The following PDSS2 variants were observed in gnomAD, a reference collection of about 807,000 sequenced individuals.
PDSS2 encodes the protein decaprenyl diphosphate synthase subunit 2.
A neutral mutation model predicts 44.5 loss-of-function variants in PDSS2; 31 were observed. That is an observed-to-expected ratio of 0.70 (90% CI 0.52 to 0.94). PDSS2 has a LOEUF of 0.94. Among genes scored for constraint, PDSS2 ranks in the 40% least tolerant of loss-of-function variants. PDSS2 has a pLI of 0.00. For missense variants in PDSS2, 452 were observed against 482.2 expected, an observed-to-expected ratio of 0.94 and a Z score of 0.59; for synonymous variants, 157 against 180.3, an observed-to-expected ratio of 0.87 and a Z score of 1.03.
At chr6:107,376,481 C>T (rs1313191102) in intron 1 of PDSS2, among the ~76,000 whole-genome samples, 3 of 152,116 alleles carry the variant, frequency 2.0e-5, no homozygotes, top group African/African-American at 7.2e-5. Context: ...CCTTCACGTC[C>T]CTTGTAAGCT....
chr6:107,187,534 G>A (rs531442883), intron 7 of PDSS2, among the ~76,000 whole-genome samples: 6 of 152,104 alleles, frequency 3.9e-5, no homozygotes, highest in South Asian at 4.2e-4. Context: ...GTGTGGTGGC[G>A]CATGCCTATA....
At chr6:107,451,174 G>C (rs1483951478) in intron 1 of PDSS2, among the ~76,000 whole-genome samples, 1 of 152,168 alleles carries the variant, frequency 6.6e-6, no homozygotes, top group African/African-American at 2.4e-5. Context: ...GTTTTCCAGA[G>C]GGGCCGAACC....
chr6:107,255,916 T>G (rs923443355), intron 3 of PDSS2, among the ~76,000 whole-genome samples: 11 of 152,198 alleles, frequency 7.2e-5, no homozygotes, highest in Admixed American at 5.9e-4. Context: ...TCTTGGGTAC[T>G]ATGGAGTATA....
intron 1 of PDSS2, among the ~76,000 whole-genome samples, chr6:107,357,820 T>C (rs1778639123): frequency 6.6e-6 from 1 of 152,214 alleles, no homozygotes; most frequent in Non-Finnish European, 1.5e-5. Context: ...TATTAAAAGA[T>C]ATTTAAAATG....
At chr6:107,214,205 T>G (rs950511228) in intron 4 of PDSS2, among the ~76,000 whole-genome samples, 1 of 151,566 alleles carries the variant, frequency 6.6e-6, no homozygotes, top group African/African-American at 2.4e-5. Flanking sequence ...CCGGGTTCAC[T>G]CCATTCTCCT....
At chr6:107,248,037 A>T (rs1220289108) in intron 3 of PDSS2, among the ~76,000 whole-genome samples, 1 of 151,982 alleles carries the variant, frequency 6.6e-6, no homozygotes, top group East Asian at 1.9e-4. Flanking sequence ...AAAAAAAGAA[A>T]GATGTGTTTA....
intron 4 of PDSS2, among the ~76,000 whole-genome samples, chr6:107,237,500 C>A (rs1774263163): frequency 6.6e-6 from 1 of 152,030 alleles, no homozygotes; most frequent in Admixed American, 6.5e-5. Flanking sequence ...GCCTTGGCCT[C>A]CCAAAGTGCT....
intron 3 of PDSS2, among the ~76,000 whole-genome samples, chr6:107,254,193 C>T (rs1394137035): frequency 6.6e-6 from 1 of 151,786 alleles, no homozygotes; most frequent in Non-Finnish European, 1.5e-5. Context: ...ACCACCATAC[C>T]TGGCTAATTT....
chr6:107,364,715 G>C (rs1401612127), intron 1 of PDSS2, among the ~76,000 whole-genome samples: 2 of 152,224 alleles, frequency 1.3e-5, no homozygotes, highest in African/African-American at 4.8e-5. Flanking sequence ...GGGGCTGAAG[G>C]GCTCCTCAAA....
intron 6 of PDSS2, among the ~76,000 whole-genome samples, chr6:107,208,026 G>A (rs563722539): frequency 2.3e-5 from 2 of 88,572 alleles, no homozygotes; most frequent in Non-Finnish European, 4.0e-5. Flanking sequence ...CACTCTTGTT[G>A]CCCAGGCTGG....
chr6:107,402,054 AGAC>A (rs1034432831), intron 1 of PDSS2, among the ~76,000 whole-genome samples: 2 of 152,092 alleles, frequency 1.3e-5, no homozygotes, highest in African/African-American at 4.8e-5. Flanking sequence ...AGAGGTGGGC[AGAC>A]TTCCTGAGGT....
chr6:107,349,515 G>A (rs954072724), intron 1 of PDSS2, among the ~76,000 whole-genome samples: 11 of 151,840 alleles, frequency 7.2e-5, no homozygotes, highest in Middle Eastern at 3.2e-3. Flanking sequence ...TTGGGAGGCC[G>A]AGGCGGATGG....
intron 2 of PDSS2, among the ~76,000 whole-genome samples, chr6:107,296,707 A>T (rs1776520967): frequency 6.6e-6 from 1 of 152,216 alleles, no homozygotes. Flanking sequence ...AGCCTGGGCA[A>T]CAAGAGTAAA....
rs545733057 is a variant in PDSS2, at chr6:107,395,715, T to G, written c.297-61383A>C. Among the ~76,000 whole-genome samples the G allele has an allele frequency of 1.1e-4, 16 of 152,336 alleles. No individual in the cohort carries two copies. The South Asian group carries it at 3.1e-3, about 30-fold the overall frequency. On this transcript the variant is annotated intron_variant, in intron 1 of 7. Transcript: ENST00000369037. ...TTCAACATTCTTGTTTGTCTGCTGA[T>G]TCCATTATTTCTGTTTTCAGGTCTG... is the stretch of plus-strand genomic sequence containing the variant.
chr6:107,154,835 C>A (rs892851143), intron 7 of PDSS2, 58 bp from the exon 8 acceptor site: 9 of 1,468,864 alleles, frequency 6.1e-6, no homozygotes, highest in African/African-American at 1.4e-5. Context: ...GTAAGCACCA[C>A]AATTAAATTG....
At chr6:107,166,019 T>A (rs1484510233) in intron 7 of PDSS2, among the ~76,000 whole-genome samples, 2 of 152,190 alleles carry the variant, frequency 1.3e-5, no homozygotes, top group Non-Finnish European at 2.9e-5. Flanking sequence ...TGATTTTGTA[T>A]CCTGAGACTT....
intron 1 of PDSS2, among the ~76,000 whole-genome samples, chr6:107,368,573 GC>G (rs1258534093): frequency 6.6e-6 from 1 of 152,166 alleles, no homozygotes; most frequent in Non-Finnish European, 1.5e-5. Context: ...GATAATGTGG[GC>G]CAGTCACGGC....
chr6:107,380,752 T>TC (rs1779430525), intron 1 of PDSS2, among the ~76,000 whole-genome samples: 2 of 152,210 alleles, frequency 1.3e-5, no homozygotes. Flanking sequence ...AGCAGCGGTT[T>TC]CCCCTGAGAC....
At chr6:107,302,224 C>T (rs949104042) in intron 2 of PDSS2, among the ~76,000 whole-genome samples, 7 of 151,192 alleles carry the variant, frequency 4.6e-5, no homozygotes, top group Non-Finnish European at 8.8e-5. Flanking sequence ...TTGTAGGATC[C>T]GATTGTTTAA....
Sources: gnomAD v4.1 joint callset for allele counts (sites outside exome capture counted in the v4.1 genomes callset) on GRCh38, gnomAD v4.1.1 for gene constraint, MANE v1.5 for transcripts, NCBI Gene and HGNC (gene_info 2026-07-23, HGNC 2026-07-21) for gene names.